The following ATP2B4 variants were observed in gnomAD, a reference collection of about 807,000 sequenced individuals.
ATP2B4 encodes the protein plasma membrane calcium-transporting ATPase 4.
ATP2B4 carries 39 observed loss-of-function variants against 110.3 expected under a neutral mutation model. That is an observed-to-expected ratio of 0.35 (90% CI 0.27 to 0.46). ATP2B4 has a LOEUF of 0.46. Ranked by LOEUF, ATP2B4 falls within the 20% of genes least tolerant of loss-of-function variation. The probability of loss-of-function intolerance (pLI) is 1.00; values close to 1 mark genes in which losing one functional copy is unlikely to be tolerated. For synonymous variants in ATP2B4, 538 were observed against 571.7 expected, an observed-to-expected ratio of 0.94 and a Z score of 0.84; for missense variants, 1,135 against 1,530.9, an observed-to-expected ratio of 0.74 and a Z score of 4.32.
intron 1 of ATP2B4, chr1:203,657,491 T>A: frequency 1.3e-6 from 1 of 786,516 alleles, no homozygotes; most frequent in Non-Finnish European, 2.3e-6. Flanking sequence ...AAGCAGGTAC[T>A]GCTCCCTGTG....
Position 203,707,873 on chromosome 1 carries a change from A to C in ATP2B4, c.1326A>C (p.Lys442Asn), listed in dbSNP as rs761260528. The change falls in exon 10 of 21, where the codon AAA becomes AAC. Residue 442 changes from lysine (K) to asparagine (N), a missense_variant. Physicochemically the swap from Lys to Asn is moderately conservative, Grantham distance 94. Around this residue, in one of 9 missense-constraint regions of ATP2B4, gnomAD observed 368 missense variants for 455.9 expected, o/e 0.81. Transcript: ENST00000357681. ...CTTCTCCTTTGTAGAAAATGATGAA[A>C]GACAATAACCTAGTACGGCACTTGG... is the stretch of plus-strand genomic sequence containing the variant. ...SLAYSVKKMMKDNNLVRHLDA... is the reference protein window; with the variant it reads ...SLAYSVKKMMNDNNLVRHLDA... The C allele has an allele frequency of 6.2e-7, 1 of 1,613,862 alleles. No homozygotes were observed. The highest frequency in any genetic ancestry group is 8.5e-7 in the Non-Finnish European group (1 of 1,179,714).
Position 203,743,090 on chromosome 1 carries a change from C to G in ATP2B4, c.*3236C>G, listed in dbSNP as rs555361634. The stretch of plus-strand genomic sequence containing the variant: ...AAATCCCTCTGGACACTTGTGGGTT[C>G]TTTAGGGTTTGAGTTTCTTCTTCCC... On this transcript the variant is annotated 3_prime_UTR_variant, in exon 21 of 21. Coordinates refer to ENST00000357681, the MANE Select transcript of ATP2B4 (RefSeq NM_001684.5). 1 of 152,726 alleles carries G rather than the reference C, an allele frequency of 6.5e-6. No homozygotes were observed. Among genetic ancestry groups the G allele is most frequent in the African/African-American group, 2.4e-5 (1 of 41,548 alleles). 9.5% of individuals were successfully genotyped at this position (152,726 alleles called of 1,614,324 possible).
At chr1:203,734,129 G>A (rs369300807) in intron 20 of ATP2B4, among the ~76,000 whole-genome samples, 7 of 152,104 alleles carry the variant, frequency 4.6e-5, no homozygotes, top group East Asian at 1.9e-4. Context: ...GTGAAACCCC[G>A]TCTCTACTAA....
chr1:203,714,081 A>G (rs1666090237), intron 14 of ATP2B4, 90 bp from the exon 15 acceptor site: 1 of 1,263,146 alleles, frequency 7.9e-7, no homozygotes, highest in Non-Finnish European at 1.1e-6. Flanking sequence ...AAAGGGAAGG[A>G]AAGAAGAAAG....
At chr1:203,695,539 G>C (rs554905207) in intron 2 of ATP2B4, among the ~76,000 whole-genome samples, 1 of 152,272 alleles carries the variant, frequency 6.6e-6, no homozygotes, top group East Asian at 1.9e-4. Flanking sequence ...AGGGTGATGT[G>C]CTTGGGCACT....
At chr1:203,674,084 G>C (rs1664755820) in intron 1 of ATP2B4, among the ~76,000 whole-genome samples, 1 of 152,154 alleles carries the variant, frequency 6.6e-6, no homozygotes, top group Non-Finnish European at 1.5e-5. Context: ...GCTGCTGCCG[G>C]AGGGCTGCGT....
intron 1 of ATP2B4, among the ~76,000 whole-genome samples, chr1:203,633,589 C>T (rs372594379): frequency 6.6e-6 from 1 of 152,096 alleles, no homozygotes; most frequent in Non-Finnish European, 1.5e-5. Context: ...CATGGTGAAA[C>T]CCTGTCTCTA....
intron 1 of ATP2B4, among the ~76,000 whole-genome samples, chr1:203,658,919 G>T (rs888601797): frequency 2.6e-5 from 4 of 151,542 alleles, no homozygotes; most frequent in Admixed American, 6.6e-5. Flanking sequence ...CAGGAGAATT[G>T]CTTGAACCCA....
rs1214526316 is a variant in ATP2B4 at position 203,724,865 on chromosome 1, C to CTCTTTTTTTTTTTTTTTTTTTTTTTTTT, written c.3132+878_3132+879insCTTTTTTTTTTTTTTTTTTTTTTTTTTT. On this transcript the variant is annotated intron_variant, in intron 19 of 20. Transcript: ENST00000357681. The stretch of plus-strand genomic sequence containing the variant: ...ACTGCCTGGGTTTGAATCCAGCTCT[C>CTCTTTTTTTTTTTTTTTTTTTTTTTTTT]TGTTTTTTTTTTTTTTTTTTTTTTT... 6.9e-5 allele frequency among the ~76,000 whole-genome samples: 7 copies of CTCTTTTTTTTTTTTTTTTTTTTTTTTTT among 101,454 alleles called. 3 individuals are homozygous for CTCTTTTTTTTTTTTTTTTTTTTTTTTTT. The highest frequency in any genetic ancestry group is 6.9e-4 in the South Asian group (2 of 2,894). The allele number at this position is 101,454 out of a possible 152,430, so 66.6% of individuals were successfully genotyped here. A position where few individuals can be genotyped will look rare whatever the true frequency, so the allele number is the denominator to read the frequency against.
In ATP2B4 at chr1:203,626,916, G is replaced by C. The variant is rs969734163; in HGVS notation, c.-768G>C. 1 of 152,388 alleles carries C rather than the reference G, an allele frequency of 6.6e-6. No individual in the cohort carries two copies. The highest frequency in any genetic ancestry group is 1.5e-5 in the Non-Finnish European group (1 of 68,166). 9.4% of individuals were successfully genotyped at this position (152,388 alleles called of 1,614,324 possible). The stretch of plus-strand genomic sequence containing the variant: ...TCGTCCAAAGCTGGGGGCTGGGAGG[G>C]GGGGCACGAACTTCGTGGGGCACCA... On this transcript the variant is annotated 5_prime_UTR_variant, in exon 1 of 21. Transcript: ENST00000357681.
intron 20 of ATP2B4, chr1:203,729,801 A>T: frequency 7.6e-7 from 1 of 1,308,968 alleles, no homozygotes; most frequent in East Asian, 5.2e-5. Context: ...GCTCACCAGA[A>T]GGTGCTTTAC....
At position 203,737,603 on chromosome 1, in the gene ATP2B4, C is replaced by G. The variant is rs145291302; in HGVS notation, c.3310-1943C>G. 1.5e-3 allele frequency among the ~76,000 whole-genome samples: 234 copies of G among 152,274 alleles called. 3 individuals carry two copies. In the East Asian group the frequency reaches 0.027, roughly 18 times the overall value. On this transcript the variant is annotated intron_variant, in intron 20 of 20. Coordinates refer to ENST00000357681, the MANE Select transcript of ATP2B4 (RefSeq NM_001684.5). ...ATGGAGCCTCCATTCCATCTGATCT[C>G]ACCTAGATCTGGAGCAAAGGCAACA...
chr1:203,720,819 T>C, intron 16 of ATP2B4, 79 bp downstream of exon 16: 2 of 1,473,798 alleles, frequency 1.4e-6, no homozygotes, highest in Non-Finnish European at 9.2e-7. Flanking sequence ...TACGGTGTGT[T>C]TACTGAAGAG....
chr1:203,640,919 T>TC (rs1308353820), intron 1 of ATP2B4, among the ~76,000 whole-genome samples: 2 of 152,220 alleles, frequency 1.3e-5, no homozygotes, highest in East Asian at 3.8e-4. Context: ...GTCGACTAAA[T>TC]GCCAGATGCT....
At position 203,700,901 on chromosome 1, in the gene ATP2B4, C is replaced by T. The variant is rs561922376; in HGVS notation, c.879C>T (p.Asp293=). The T allele has an allele frequency of 5.5e-5, 88 of 1,612,942 alleles. No homozygotes were observed. The highest frequency in any genetic ancestry group is 1.4e-4 in the South Asian group (13 of 91,028). ...CTCTCTTGGGGGTCAATGAGGATGA[C>T]GAAGGGGAGAAAAAGAAGAAAGGTA... ...ILTLLGVNED[D]EGEKKKKGKK... is the part of the protein sequence containing the mutation. The change falls in exon 6 of 21, where the codon GAC becomes GAT. Residue 293 remains aspartate (D), a synonymous_variant. Transcript: ENST00000357681.
intron 2 of ATP2B4, among the ~76,000 whole-genome samples, chr1:203,691,533 C>T (rs1301303201): frequency 6.6e-6 from 1 of 152,036 alleles, no homozygotes; most frequent in African/African-American, 2.4e-5. Flanking sequence ...GAGCAGGGGG[C>T]GGGATAAAGG....
At chr1:203,699,199 C>T (rs191887564) in intron 3 of ATP2B4, among the ~76,000 whole-genome samples, 130 of 152,258 alleles carry the variant, frequency 8.5e-4, no homozygotes, top group Admixed American at 2.0e-3. Context: ...ATAAGTGTGA[C>T]CTTACATGTG....
At chr1:203,658,802 G>A (rs1384568839) in intron 1 of ATP2B4, among the ~76,000 whole-genome samples, 1 of 151,908 alleles carries the variant, frequency 6.6e-6, no homozygotes, top group Non-Finnish European at 1.5e-5. Context: ...TCAGGAGATC[G>A]AGACCAGCCT....
intron 1 of ATP2B4, among the ~76,000 whole-genome samples, chr1:203,645,782 G>C (rs1663780531): frequency 1.3e-5 from 2 of 151,808 alleles, no homozygotes; most frequent in African/African-American, 4.8e-5. Flanking sequence ...GTAGAGACAG[G>C]GTTCCACCAT....
Sources: gnomAD v4.1 joint callset for allele counts (sites outside exome capture counted in the v4.1 genomes callset) on GRCh38, gnomAD v4.1.1 for gene constraint, gnomAD v4.1.1 regional missense constraint, MANE v1.5 for transcripts, NCBI Gene and HGNC (gene_info 2026-07-23, HGNC 2026-07-21) for gene names.